The following TWIST2 variants were observed in gnomAD, a reference collection of about 807,000 sequenced individuals.
TWIST2 encodes twist family bHLH transcription factor 2, also known as twist-related protein 2.
A neutral mutation model predicts 11.6 loss-of-function variants in TWIST2; 1 was observed. That is an observed-to-expected ratio of 0.09 (90% confidence interval 0.03 to 0.41). The LOEUF (loss-of-function observed/expected upper bound fraction) is 0.41. Among genes scored for constraint, TWIST2 ranks in the 10% least tolerant of loss-of-function variants. The probability of loss-of-function intolerance (pLI) is 0.98; values close to 1 mark genes in which losing one functional copy is unlikely to be tolerated. For missense variants in TWIST2, 168 were observed against 226.4 expected (o/e 0.74, Z 1.66); for synonymous variants, 87 against 96.6 (o/e 0.90, Z 0.58).
chr2:238,880,548 G>A (rs1692899056), intron 1 of TWIST2, among the ~76,000 whole-genome samples: 1 of 89,862 alleles, frequency 1.1e-5, no homozygotes, highest in South Asian at 4.3e-4. Context: ...GTTAGTGTTA[G>A]TATTTATTAG....
At chr2:238,865,846 A>T (rs760747630) in intron 1 of TWIST2, among the ~76,000 whole-genome samples, 7 of 152,126 alleles carry the variant, frequency 4.6e-5, no homozygotes, top group Non-Finnish European at 8.8e-5. Context: ...AGTCTGTGCG[A>T]TGTCACCTTG....
At chr2:238,865,242 A>C (rs1271664719) in intron 1 of TWIST2, among the ~76,000 whole-genome samples, 1 of 152,194 alleles carries the variant, frequency 6.6e-6, no homozygotes, top group Non-Finnish European at 1.5e-5. Context: ...AAACCCAGCC[A>C]GTCCAATTAT....
intron 1 of TWIST2, among the ~76,000 whole-genome samples, chr2:238,893,742 G>A (rs1693175666): frequency 6.6e-6 from 1 of 152,324 alleles, no homozygotes; most frequent in African/African-American, 2.4e-5. Flanking sequence ...GCCATTGTTC[G>A]CAGCTTCTGG....
chr2:238,848,831 C>A, intron 1 of TWIST2, 98 bp downstream of exon 1: 2 of 984,334 alleles, frequency 2.0e-6, no homozygotes, highest in Non-Finnish European at 2.6e-6. Flanking sequence ...CGGCGAGGCC[C>A]CGCGGGCCGC....
At chr2:238,892,453 C>T (rs1268416703) in intron 1 of TWIST2, among the ~76,000 whole-genome samples, 1 of 152,166 alleles carries the variant, frequency 6.6e-6, no homozygotes, top group Admixed American at 6.5e-5. Flanking sequence ...TACTTTTTCC[C>T]TCTAATATGG....
At position 238,848,278 on chromosome 2, in the gene TWIST2, G is replaced by A. The variant is rs1177711455; in HGVS notation, c.63G>A (p.Glu21=). The change falls in exon 1 of 2, where the codon GAG becomes GAA. Residue 21 remains glutamate (E), a synonymous_variant. Coordinates refer to ENST00000612363, the MANE Select transcript of TWIST2 (RefSeq NM_001271893.4). ...PVDSLGTSEE[E]LERQPKRFGR... The stretch of plus-strand genomic sequence containing the variant: ...ACAGCCTGGGCACCAGCGAGGAGGA[G>A]CTCGAGAGGCAGCCCAAGCGCTTCG... 28 of 1,529,870 alleles carry A rather than the reference G, an allele frequency of 1.8e-5. No individual in the cohort carries two copies. The South Asian group carries it at 2.5e-4, about 14-fold the overall frequency. 94.8% of individuals were successfully genotyped at this position (1,529,870 alleles called of 1,614,324 possible).
Position 238,866,112 on chromosome 2 carries a change from T to A in TWIST2, c.*35+17379T>A, listed in dbSNP as rs1238211568. On this transcript the variant is annotated intron_variant, in intron 1 of 1. Coordinates refer to ENST00000612363, the MANE Select transcript of TWIST2 (RefSeq NM_001271893.4). The surrounding 1 kb of genome is among the most constrained non-coding windows in gnomAD (Gnocchi z 4.9). ...TCTGGTGTTACTGGGACCCACTGAA[T>A]GTAGGTTCCTTTACCCCCATTTCAC... Among the ~76,000 whole-genome samples the A allele has an allele frequency of 6.6e-6, 1 of 152,160 alleles. No homozygotes were observed. Among genetic ancestry groups the A allele is most frequent in the Non-Finnish European group, 1.5e-5 (1 of 68,008 alleles).
rs1224123827 is a variant in TWIST2, at chr2:238,880,954, T to G, written c.*36-28888T>G. On this transcript the variant is annotated intron_variant, in intron 1 of 1. Coordinates refer to ENST00000612363, the MANE Select transcript of TWIST2 (RefSeq NM_001271893.4). Reference sequence around the variant, plus strand: ...GTATTTATTTGTGTTAGCATTAGTATTAATGTTAGTGTTAGTATTTATTAG... The same window carrying G: ...GTATTTATTTGTGTTAGCATTAGTAGTAATGTTAGTGTTAGTATTTATTAG... 3.2e-5 allele frequency among the ~76,000 whole-genome samples: 3 copies of G among 95,108 alleles called. 1 individual carries two copies. Among genetic ancestry groups the G allele is most frequent in the Non-Finnish European group, 6.3e-5 (3 of 47,620 alleles). 62.4% of individuals were successfully genotyped at this position (95,108 alleles called of 152,430 possible).
chr2:238,891,068 C>A (rs1693123864), intron 1 of TWIST2, among the ~76,000 whole-genome samples: 1 of 152,234 alleles, frequency 6.6e-6, no homozygotes, highest in Non-Finnish European at 1.5e-5. Flanking sequence ...AGTTCACTCA[C>A]CACTTTTAGA....
chr2:238,875,577 A>G (rs1692791007), intron 1 of TWIST2, among the ~76,000 whole-genome samples: 1 of 152,196 alleles, frequency 6.6e-6, no homozygotes, highest in Admixed American at 6.5e-5. Context: ...AGAGTTGCAC[A>G]TCACCTTGTA....
chr2:238,892,479 GT>G (rs1402901492), intron 1 of TWIST2, among the ~76,000 whole-genome samples: 1 of 151,916 alleles, frequency 6.6e-6, no homozygotes, highest in African/African-American at 2.4e-5. Flanking sequence ...TGTTTGTTTT[GT>G]TTTGTTTTTG....
chr2:238,905,929 GTGCGCGTGTGTGTGCGCGCGCGTGTGTA>G, intron 1 of TWIST2, among the ~76,000 whole-genome samples: 1 of 105,554 alleles, frequency 9.5e-6, no homozygotes, highest in African/African-American at 4.8e-5. Flanking sequence ...AGGTGTGCGT[GTGCGCGTGTGTGTGCGCGCGCGTGTGTA>G]CGTGTGCGTG....
chr2:238,855,032 A>T (rs1319369427), intron 1 of TWIST2, among the ~76,000 whole-genome samples: 1 of 152,104 alleles, frequency 6.6e-6, no homozygotes, highest in Admixed American at 6.6e-5. Context: ...GACTCCCTGG[A>T]CCTGCGACTT....
chr2:238,909,387 C>T (rs893363144), intron 1 of TWIST2, among the ~76,000 whole-genome samples: 305 of 152,256 alleles, frequency 2.0e-3, no homozygotes, highest in Non-Finnish European at 3.1e-3. Flanking sequence ...TTCTCTGCGT[C>T]CTCCTCGCTG....
chr2:238,901,731 C>T (rs1693270588), intron 1 of TWIST2, among the ~76,000 whole-genome samples: 3 of 152,086 alleles, frequency 2.0e-5, no homozygotes, highest in African/African-American at 4.8e-5. Context: ...ACTGAAGGAC[C>T]GCGCCCACCA....
At chr2:238,889,048 C>T (rs1473494371) in intron 1 of TWIST2, among the ~76,000 whole-genome samples, 2 of 152,126 alleles carry the variant, frequency 1.3e-5, no homozygotes, top group South Asian at 4.1e-4. Flanking sequence ...TCACACATTC[C>T]CAGGGTGGCA....
intron 1 of TWIST2, among the ~76,000 whole-genome samples, chr2:238,881,957 CCTGT>C (rs1692944127): frequency 1.3e-5 from 2 of 151,982 alleles, no homozygotes; most frequent in Non-Finnish European, 2.9e-5. Context: ...TTTTTCTCTT[CCTGT>C]CTCTCTCTCC....
chr2:238,873,986 A>G (rs1284047634), intron 1 of TWIST2, among the ~76,000 whole-genome samples: 1 of 151,318 alleles, frequency 6.6e-6, no homozygotes, highest in African/African-American at 2.4e-5. Flanking sequence ...CAAGGAAAAA[A>G]CTCACTTGCG....
chr2:238,885,142 G>GTGAGCA (rs1358463273), intron 1 of TWIST2, among the ~76,000 whole-genome samples: 9 of 152,190 alleles, frequency 5.9e-5, no homozygotes, highest in Non-Finnish European at 1.2e-4. Flanking sequence ...CTGCACCACT[G>GTGAGCA]TGAGCATGAG....
Sources: gnomAD v4.1 joint callset for allele counts (sites outside exome capture counted in the v4.1 genomes callset) on GRCh38, gnomAD v4.1.1 for gene constraint, Gnocchi (gnomAD v3.1) non-coding constraint, MANE v1.5 for transcripts, NCBI Gene and HGNC (gene_info 2026-07-23, HGNC 2026-07-21) for gene names.